The following TMEM117 variants were observed in gnomAD, a reference collection of about 807,000 sequenced individuals.
TMEM117 encodes transmembrane protein 117.
TMEM117 carries 27 observed loss-of-function variants against 52.4 expected under a neutral mutation model. The observed-to-expected ratio is 0.51, with a 90% CI of 0.38 to 0.71. The LOEUF is 0.71. Among genes scored for constraint, TMEM117 ranks in the 30% least tolerant of loss-of-function variants. TMEM117 has a pLI of 0.00. For missense variants in TMEM117, 556 were observed against 630.5 expected (o/e 0.88, Z 1.26); for synonymous variants, 215 against 206.3 (o/e 1.04, Z -0.36).
chr12:44,211,666 T>C (rs1419818713), intron 5 of TMEM117, among the ~76,000 whole-genome samples: 2 of 152,188 alleles, frequency 1.3e-5, no homozygotes, highest in Non-Finnish European at 2.9e-5. Context: ...CAAGCTGTAA[T>C]TTTCATCAGT....
At chr12:44,346,940 A>G (rs937969917) in intron 6 of TMEM117, among the ~76,000 whole-genome samples, 1 of 152,048 alleles carries the variant, frequency 6.6e-6, no homozygotes, top group Non-Finnish European at 1.5e-5. Context: ...GAGAAAAGCT[A>G]ATTTTTCTAG....
chr12:44,087,245 A>G (rs913568639), intron 3 of TMEM117, among the ~76,000 whole-genome samples: 2 of 151,950 alleles, frequency 1.3e-5, no homozygotes, highest in Non-Finnish European at 2.9e-5. Flanking sequence ...ATTTTAATCA[A>G]TATTCGTATT....
chr12:44,136,749 G>A (rs144841088), intron 3 of TMEM117, among the ~76,000 whole-genome samples: 60 of 152,196 alleles, frequency 3.9e-4, no homozygotes, highest in Admixed American at 9.8e-4. Flanking sequence ...TTCGAAGTAA[G>A]TAAATTTACA....
chr12:44,295,109 T>A (rs1218558509), intron 5 of TMEM117, among the ~76,000 whole-genome samples: 1 of 152,204 alleles, frequency 6.6e-6, no homozygotes, highest in Non-Finnish European at 1.5e-5. Context: ...TCTGTTTCTT[T>A]CTTTCTCTCT....
At chr12:43,916,779 C>A (rs1375041906) in intron 2 of TMEM117, among the ~76,000 whole-genome samples, 1 of 152,116 alleles carries the variant, frequency 6.6e-6, no homozygotes, top group African/African-American at 2.4e-5. Flanking sequence ...CTACTTCATC[C>A]TAGGAATTGA....
chr12:43,893,877 T>C (rs1944151780), intron 2 of TMEM117, among the ~76,000 whole-genome samples: 1 of 152,168 alleles, frequency 6.6e-6, no homozygotes, highest in Non-Finnish European at 1.5e-5. Flanking sequence ...GACTAGAGGA[T>C]CAATTTTCAA....
intron 3 of TMEM117, among the ~76,000 whole-genome samples, chr12:44,103,940 A>G (rs80337269): frequency 0.015 from 2,259 of 152,084 alleles, 36 homozygotes; most frequent in African/African-American, 0.051. Flanking sequence ...GTTGAAGAGA[A>G]CTATGTAATG....
chr12:44,004,658 C>A (rs960145249), intron 3 of TMEM117, among the ~76,000 whole-genome samples: 2 of 152,118 alleles, frequency 1.3e-5, no homozygotes, highest in African/African-American at 4.8e-5. Context: ...ATGATCACCT[C>A]TTTCCTCTTT....
chr12:44,185,228 T>C (rs1949260881), intron 4 of TMEM117, among the ~76,000 whole-genome samples: 1 of 152,250 alleles, frequency 6.6e-6, no homozygotes, highest in Non-Finnish European at 1.5e-5. Flanking sequence ...TTTTCTAGTA[T>C]CTAGTCCTGG....
chr12:43,840,076 G>A (rs1463046117), intron 1 of TMEM117, among the ~76,000 whole-genome samples: 1 of 151,778 alleles, frequency 6.6e-6, no homozygotes, highest in Non-Finnish European at 1.5e-5. Context: ...TAGAAGTACT[G>A]TGATTTTTTT....
At chr12:44,193,683 G>A (rs1949384063) in intron 4 of TMEM117, among the ~76,000 whole-genome samples, 1 of 152,182 alleles carries the variant, frequency 6.6e-6, no homozygotes, top group Non-Finnish European at 1.5e-5. Flanking sequence ...AAAACATAAA[G>A]TATCCCCTGA....
At chr12:44,107,667 G>C (rs932027143) in intron 3 of TMEM117, among the ~76,000 whole-genome samples, 1 of 151,988 alleles carries the variant, frequency 6.6e-6, no homozygotes, top group Non-Finnish European at 1.5e-5. Flanking sequence ...TATTTCAATG[G>C]TATTTAATCA....
intron 2 of TMEM117, 55 bp downstream of exon 2, chr12:43,844,983 C>T (rs564506421): frequency 6.5e-7 from 1 of 1,546,966 alleles, no homozygotes; most frequent in Non-Finnish European, 8.7e-7. Context: ...TTTCTATTCT[C>T]CAAGATACAA....
intron 3 of TMEM117, among the ~76,000 whole-genome samples, chr12:43,974,793 A>G (rs1038360025): frequency 6.6e-6 from 1 of 152,140 alleles, no homozygotes; most frequent in Non-Finnish European, 1.5e-5. Context: ...TATGTCTTCT[A>G]TGTTTATATT....
chr12:43,865,572 C>G (rs1008442446), intron 2 of TMEM117, among the ~76,000 whole-genome samples: 1 of 152,020 alleles, frequency 6.6e-6, no homozygotes, highest in South Asian at 2.1e-4. Context: ...TGGTGCATGT[C>G]TGTAATTCCA....
intron 6 of TMEM117, among the ~76,000 whole-genome samples, chr12:44,331,602 A>G (rs1951271553): frequency 6.6e-6 from 1 of 152,136 alleles, no homozygotes; most frequent in South Asian, 2.1e-4. Flanking sequence ...TTAAGCTTAA[A>G]TGTTGACTGT....
intron 2 of TMEM117, among the ~76,000 whole-genome samples, chr12:43,879,222 A>G (rs186214371): frequency 3.3e-5 from 5 of 152,370 alleles, no homozygotes; most frequent in African/African-American, 1.2e-4. Flanking sequence ...AGTGATAATA[A>G]GTTAATGAAT....
chr12:44,279,904 T>G (rs901694581), intron 5 of TMEM117, among the ~76,000 whole-genome samples: 1 of 152,016 alleles, frequency 6.6e-6, no homozygotes, highest in African/African-American at 2.4e-5. Flanking sequence ...CTCTATGTGG[T>G]TTTTGGAGTT....
At chr12:44,193,331 A>G (rs1458521836) in intron 4 of TMEM117, among the ~76,000 whole-genome samples, 1 of 152,374 alleles carries the variant, frequency 6.6e-6, no homozygotes, top group Non-Finnish European at 1.5e-5. Context: ...CAGACGGATA[A>G]GTAAAACAGC....
Sources: gnomAD v4.1 joint callset for allele counts (sites outside exome capture counted in the v4.1 genomes callset) on GRCh38, gnomAD v4.1.1 for gene constraint, MANE v1.5 for transcripts, NCBI Gene and HGNC (gene_info 2026-07-23, HGNC 2026-07-21) for gene names.